The following CDH9 variants were observed in gnomAD, a reference collection of about 807,000 sequenced individuals.
The protein encoded by CDH9 is cadherin 9, also known as cadherin-9.
CDH9 carries 28 observed loss-of-function variants against 70.9 expected under a neutral mutation model. That is an observed-to-expected ratio of 0.40 (90% CI 0.29 to 0.54). The LOEUF is 0.54. Ranked by LOEUF, CDH9 falls within the 20% of genes least tolerant of loss-of-function variation. CDH9 has a pLI of 0.59. For missense variants in CDH9, 874 were observed against 984.4 expected (o/e 0.89, Z 1.50); for synonymous variants, 409 against 343.1 (o/e 1.19, Z -2.12).
chr5:26,948,918 G>A (rs1579470124), intron 2 of CDH9, among the ~76,000 whole-genome samples: 1 of 152,096 alleles, frequency 6.6e-6, no homozygotes, highest in East Asian at 1.9e-4. Flanking sequence ...GGAATGATGG[G>A]GTGGGAGAAC....
intron 1 of CDH9, among the ~76,000 whole-genome samples, chr5:27,025,110 C>T (rs1207556306): frequency 6.6e-6 from 1 of 152,034 alleles, no homozygotes. Context: ...TTTCTTACAA[C>T]ATTTCAGCCA....
chr5:27,029,845 C>CA (rs1418284630), intron 1 of CDH9, among the ~76,000 whole-genome samples: 2 of 151,914 alleles, frequency 1.3e-5, no homozygotes, highest in Non-Finnish European at 2.9e-5. Context: ...TTGCTTCCTA[C>CA]ACCTACAAAT....
chr5:26,937,550 AC>A (rs1389138582), intron 2 of CDH9, among the ~76,000 whole-genome samples: 3 of 152,144 alleles, frequency 2.0e-5, no homozygotes, highest in Non-Finnish European at 4.4e-5. Context: ...ATGTATAGCA[AC>A]TTTATGCATA....
intron 1 of CDH9, among the ~76,000 whole-genome samples, chr5:27,028,665 T>G (rs538653310): frequency 6.6e-6 from 1 of 152,188 alleles, no homozygotes; most frequent in Admixed American, 6.6e-5. Context: ...TCCTCAAGTA[T>G]TTCCTGACAA....
At chr5:26,979,045 T>G (rs1261620399) in intron 2 of CDH9, among the ~76,000 whole-genome samples, 2 of 151,748 alleles carry the variant, frequency 1.3e-5, no homozygotes, top group African/African-American at 4.8e-5. Flanking sequence ...ACAGAAATTC[T>G]GAACTATAGA....
chr5:26,996,218 A>C (rs771890566), intron 1 of CDH9, among the ~76,000 whole-genome samples: 1 of 152,050 alleles, frequency 6.6e-6, no homozygotes, highest in Non-Finnish European at 1.5e-5. Context: ...GTTTGTGATT[A>C]ATTTTAATAT....
chr5:26,898,343 C>G (rs1359566389), intron 7 of CDH9, among the ~76,000 whole-genome samples: 1 of 151,928 alleles, frequency 6.6e-6, no homozygotes, highest in African/African-American at 2.4e-5. Flanking sequence ...CATATGGAAC[C>G]AAAAAAGAGC....
intron 1 of CDH9, among the ~76,000 whole-genome samples, chr5:27,010,865 T>C (rs1742943969): frequency 6.6e-6 from 1 of 152,104 alleles, no homozygotes; most frequent in African/African-American, 2.4e-5. Flanking sequence ...TAAAAGCAAA[T>C]GTTTATTCTT....
chr5:26,931,892 G>A (rs1308014859), intron 2 of CDH9, among the ~76,000 whole-genome samples: 1 of 152,050 alleles, frequency 6.6e-6, no homozygotes, highest in African/African-American at 2.4e-5. Flanking sequence ...ATATGGCACA[G>A]AAGAATTTTT....
chr5:26,938,159 T>C (rs913285452), intron 2 of CDH9, among the ~76,000 whole-genome samples: 15 of 150,356 alleles, frequency 1.0e-4, no homozygotes, highest in African/African-American at 3.7e-4. Flanking sequence ...AAAATAAAAA[T>C]CTATTAATTC....
intron 1 of CDH9, among the ~76,000 whole-genome samples, chr5:27,005,775 T>A (rs780883621): frequency 6.6e-6 from 1 of 152,018 alleles, no homozygotes; most frequent in Non-Finnish European, 1.5e-5. Context: ...TAAATGTCCA[T>A]CAATGACAGA....
intron 2 of CDH9, among the ~76,000 whole-genome samples, chr5:26,924,145 C>A (rs1054521172): frequency 1.3e-5 from 2 of 151,828 alleles, no homozygotes; most frequent in South Asian, 2.1e-4. Context: ...AATCAACAAT[C>A]ATTTATCCAG....
chr5:27,037,198 C>T (rs558615678), intron 1 of CDH9, among the ~76,000 whole-genome samples: 1 of 151,860 alleles, frequency 6.6e-6, no homozygotes, highest in Non-Finnish European at 1.5e-5. Flanking sequence ...CAAAGGGAGT[C>T]GAAGGAAGAT....
Position 26,978,522 on chromosome 5 carries a change from T to C in CDH9, c.228+9584A>G, listed in dbSNP as rs143741138. On this transcript the variant is annotated intron_variant, in intron 2 of 11. Transcript: ENST00000231021. Reference sequence around the variant, plus strand: ...TTTCCAACTATGGGATGATATGAAATGCCCTAAAATACTTGTATTTGAAGT... The same window carrying C: ...TTTCCAACTATGGGATGATATGAAACGCCCTAAAATACTTGTATTTGAAGT... Among the ~76,000 whole-genome samples, 295 of 151,896 alleles carry C rather than the reference T, an allele frequency of 1.9e-3. 2 individuals carry two copies. Among genetic ancestry groups the C allele is most frequent in the African/African-American group, 6.8e-3 (284 of 41,518 alleles).
chr5:26,927,306 A>C (rs187566403), intron 2 of CDH9, among the ~76,000 whole-genome samples: 1 of 152,164 alleles, frequency 6.6e-6, no homozygotes, highest in East Asian at 1.9e-4. Context: ...CTGGGGAAAA[A>C]GTGAAATACT....
At chr5:26,946,158 T>C (rs760320709) in intron 2 of CDH9, among the ~76,000 whole-genome samples, 23 of 152,176 alleles carry the variant, frequency 1.5e-4, no homozygotes, top group Non-Finnish European at 2.9e-4. Flanking sequence ...TTTCTAGCTG[T>C]GTGAAAGAGA....
intron 2 of CDH9, among the ~76,000 whole-genome samples, chr5:26,959,407 G>A (rs1336991712): frequency 6.6e-6 from 1 of 152,060 alleles, no homozygotes; most frequent in Non-Finnish European, 1.5e-5. Context: ...TTGCTGGTAG[G>A]CATATAAGTG....
chr5:26,984,012 TCC>T lies in CDH9; in HGVS notation c.228+4092_228+4093del, dbSNP rs1002240794. On this transcript the variant is annotated intron_variant, in intron 2 of 11. Transcript: ENST00000231021. The stretch of plus-strand genomic sequence containing the variant: ...ATACACAATCAAATATAAAACAGAT[TCC>T]TACCAATTTTTCTTTTGTTAACTGT... 4.6e-4 allele frequency among the ~76,000 whole-genome samples: 70 copies of T among 152,114 alleles called. 1 individual carries two copies. Among genetic ancestry groups the T allele is most frequent in the Admixed American group, 3.3e-4 (5 of 15,250 alleles).
At chr5:27,004,034 T>G (rs532349786) in intron 1 of CDH9, among the ~76,000 whole-genome samples, 67 of 137,554 alleles carry the variant, frequency 4.9e-4, no homozygotes, top group East Asian at 3.4e-3. Flanking sequence ...AGAAGAAGAA[T>G]AAAGCAAGTT....
Sources: gnomAD v4.1 joint callset for allele counts (sites outside exome capture counted in the v4.1 genomes callset) on GRCh38, gnomAD v4.1.1 for gene constraint, MANE v1.5 for transcripts, NCBI Gene and HGNC (gene_info 2026-07-23, HGNC 2026-07-21) for gene names.